The following PAPOLA variants were observed in gnomAD, a reference collection of about 807,000 sequenced individuals.
The protein encoded by PAPOLA is polynucleotide adenylyltransferase alpha.
In PAPOLA, 15 loss-of-function variants were observed where a neutral mutation model predicts 100.6. The ratio of observed to expected loss-of-function variants is 0.15; its 90% CI spans 0.10 to 0.23. The LOEUF is 0.23. Ranked by LOEUF, PAPOLA falls within the 10% of genes least tolerant of loss-of-function variation. PAPOLA has a pLI of 1.00. For synonymous variants in PAPOLA, 293 were observed against 300.0 expected, an observed-to-expected ratio of 0.98 and a Z score of 0.24; for missense variants, 533 against 884.2, an observed-to-expected ratio of 0.60 and a Z score of 5.04.
In PAPOLA at chr14:96,552,499, A is replaced by C; in HGVS notation, c.1541A>C (p.Lys514Thr). ...TTGCAGCATTCAACAGAAGGTGTCA[A>C]ATTGACAGCTCTCAATGACAGCAGC... ...KKKKHSTEGV[K>T]LTALNDSSLD... The change falls in exon 17 of 22, where the codon AAA becomes ACA. Residue 514 changes from lysine to threonine, a missense_variant. Lys to Thr is a moderately conservative substitution (Grantham distance 78, BLOSUM62 -1). Transcript: ENST00000216277. The C allele has an allele frequency of 6.2e-7, 1 of 1,613,756 alleles. No individual in the cohort carries two copies. Among genetic ancestry groups the C allele is most frequent in the Non-Finnish European group, 8.5e-7 (1 of 1,179,664 alleles).
At chr14:96,523,475 T>C (rs1398686546) in intron 3 of PAPOLA, among the ~76,000 whole-genome samples, 2 of 152,246 alleles carry the variant, frequency 1.3e-5, no homozygotes, top group South Asian at 2.1e-4. Context: ...AAGATTGTTA[T>C]GTCTTAATAG....
chr14:96,545,983 T>A (rs1053528370), intron 15 of PAPOLA, among the ~76,000 whole-genome samples: 1 of 152,124 alleles, frequency 6.6e-6, no homozygotes, highest in African/African-American at 2.4e-5. Flanking sequence ...TTTTCAAGGA[T>A]GTTTTAGGTA....
At chr14:96,533,712 G>C (rs1434288031) in intron 9 of PAPOLA, 1 of 319,644 alleles carries the variant, frequency 3.1e-6, no homozygotes, top group Non-Finnish European at 4.5e-6. Context: ...CTGCCACCAC[G>C]CCTGGCTAAT....
chr14:96,559,581 C>CTATA (rs1555396726), intron 19 of PAPOLA, among the ~76,000 whole-genome samples: 1,962 of 120,060 alleles, frequency 0.016, 34 homozygotes, highest in African/African-American at 0.02. Context: ...CTCTCTCTCT[C>CTATA]TATATATATA....
At chr14:96,536,186 T>G (rs761732983) in intron 11 of PAPOLA, among the ~76,000 whole-genome samples, 187 bp downstream of exon 11, 24 of 152,176 alleles carry the variant, frequency 1.6e-4, no homozygotes, top group Non-Finnish European at 2.9e-4. Context: ...GGCAATTTGT[T>G]TTTTATAACA....
intron 12 of PAPOLA, chr14:96,537,661 C>T (rs896452944): frequency 2.6e-5 from 4 of 151,916 alleles, no homozygotes; most frequent in Non-Finnish European, 4.4e-5. Flanking sequence ...TTAAAAGCTT[C>T]ATTAATTGTG....
At chr14:96,556,006 C>A in intron 18 of PAPOLA, 59 bp downstream of exon 18, 2 of 1,297,858 alleles carry the variant, frequency 1.5e-6, no homozygotes, top group Non-Finnish European at 2.2e-6. Flanking sequence ...GTTTAGCCTT[C>A]ATTTTGAAAA....
chr14:96,565,564 A>G lies in PAPOLA; in HGVS notation c.*514A>G, dbSNP rs536971001. On this transcript the variant is annotated 3_prime_UTR_variant, in exon 22 of 22. Coordinates refer to ENST00000216277, the MANE Select transcript of PAPOLA (RefSeq NM_032632.5). ...TGGTGTACTGTTATACTTCAGAGAA[A>G]GGGTAAGAGTACATCTAGTTCAGTT... The G allele has an allele frequency of 3.7e-4, 148 of 396,374 alleles. 2 individuals carry two copies. The highest frequency in any genetic ancestry group is 2.9e-3 in the Admixed American group (67 of 23,278). 24.6% of individuals were successfully genotyped at this position (396,374 alleles called of 1,614,324 possible).
intron 10 of PAPOLA, chr14:96,535,056 A>G (rs1899400191): frequency 2.0e-6 from 2 of 981,194 alleles, no homozygotes; most frequent in African/African-American, 3.5e-5. Context: ...AGATTATAAA[A>G]ACATGGTTGG....
At chr14:96,534,716 C>T in intron 10 of PAPOLA, 153 bp downstream of exon 10, 1 of 1,454,022 alleles carries the variant, frequency 6.9e-7, no homozygotes. Flanking sequence ...TATAATTGTC[C>T]TCAACTATAA....
chr14:96,533,070 C>T, intron 9 of PAPOLA: 4 of 978,952 alleles, frequency 4.1e-6, no homozygotes, highest in Non-Finnish European at 4.9e-6. Context: ...TTTATTTGGC[C>T]TAATATTAAA....
At chr14:96,516,038 A>G (rs1477575259) in intron 1 of PAPOLA, among the ~76,000 whole-genome samples, 1 of 152,208 alleles carries the variant, frequency 6.6e-6, no homozygotes, top group Non-Finnish European at 1.5e-5. Flanking sequence ...TGGAGTATAT[A>G]GTTTTGTTAG....
In PAPOLA at chr14:96,502,459, CGGTGCGGGAGA is replaced by C. The variant is rs1316922336; in HGVS notation, c.-131_-121del. On this transcript the variant is annotated 5_prime_UTR_variant, in exon 1 of 22. Coordinates refer to ENST00000216277, the MANE Select transcript of PAPOLA (RefSeq NM_032632.5). ...GGAGAAGCGCTTAAAGCGGCGGGAG[CGGTGCGGGAGA>C]GGGGTTGGACCCAGGGCTGAGGCAG... The C allele has an allele frequency of 1.4e-6, 1 of 715,590 alleles. No individual in the cohort carries two copies. The highest frequency in any genetic ancestry group is 2.5e-6 in the Non-Finnish European group (1 of 404,848). 44.3% of individuals were successfully genotyped at this position (715,590 alleles called of 1,614,324 possible).
chr14:96,543,755 T>A (rs1900177370), intron 14 of PAPOLA, among the ~76,000 whole-genome samples: 1 of 152,090 alleles, frequency 6.6e-6, no homozygotes, highest in Non-Finnish European at 1.5e-5. Context: ...GTTTAAGAAA[T>A]ATCTATTAAG....
At chr14:96,535,400 A>G in intron 10 of PAPOLA, 5 of 980,310 alleles carry the variant, frequency 5.1e-6, no homozygotes, top group Non-Finnish European at 6.1e-6. Context: ...TTATCTCCTA[A>G]CATATCAACA....
At chr14:96,563,095 G>A (rs1901998938) in intron 21 of PAPOLA, among the ~76,000 whole-genome samples, 2 of 152,118 alleles carry the variant, frequency 1.3e-5, no homozygotes, top group Non-Finnish European at 1.5e-5. Flanking sequence ...CTGTTTCGAT[G>A]TTAACCCATC....
At chr14:96,529,788 A>G (rs1364034234) in intron 6 of PAPOLA, among the ~76,000 whole-genome samples, 1 of 152,144 alleles carries the variant, frequency 6.6e-6, no homozygotes, top group African/African-American at 2.4e-5. Context: ...CGACATCCAC[A>G]TTTTTGGAAC....
chr14:96,527,043 C>G (rs1368405501), intron 4 of PAPOLA: 1 of 162,654 alleles, frequency 6.1e-6, no homozygotes, highest in African/African-American at 2.4e-5. Flanking sequence ...TGGTAGAGAA[C>G]CTATAAGCAC....
chr14:96,552,868 T>C (rs1004198593), intron 17 of PAPOLA: 5 of 448,940 alleles, frequency 1.1e-5, no homozygotes, highest in African/African-American at 2.0e-5. Context: ...TGTTAGCACA[T>C]AACCCCTCCA....
Sources: allele counts gnomAD v4.1 joint callset (sites outside exome capture counted in the v4.1 genomes callset), GRCh38; gene constraint gnomAD v4.1.1; transcripts MANE v1.5; gene names NCBI Gene and HGNC (gene_info 2026-07-23, HGNC 2026-07-21).